Variants in DCC observed in about 807,000 individuals in gnomAD.
DCC encodes DCC netrin 1 receptor.
In DCC, 58 loss-of-function variants were observed where a neutral mutation model predicts 172.5. The observed-to-expected ratio is 0.34, with a 90% CI of 0.27 to 0.42. DCC has a LOEUF of 0.42. DCC is among the 10% of genes least tolerant of loss of function. The probability of loss-of-function intolerance (pLI) is 1.00; values close to 1 mark genes in which losing one functional copy is unlikely to be tolerated. For synonymous variants in DCC, 709 were observed against 644.5 expected, an observed-to-expected ratio of 1.10 and a Z score of -1.52; for missense variants, 1,740 against 1,791.0, an observed-to-expected ratio of 0.97 and a Z score of 0.51.
intron 2 of DCC, among the ~76,000 whole-genome samples, chr18:52,898,317 G>A (rs932355292): frequency 2.0e-5 from 3 of 152,126 alleles, no homozygotes; most frequent in Admixed American, 6.5e-5. Flanking sequence ...AGGGCAAATC[G>A]GAAGAATGTG....
At chr18:52,879,822 T>A (rs117666270) in intron 2 of DCC, among the ~76,000 whole-genome samples, 2,299 of 152,268 alleles carry the variant, frequency 0.015, 42 homozygotes, top group African/African-American at 0.038. Context: ...TCCCAATTAC[T>A]CTTTGTTTTA....
rs181740383 is a variant in DCC at position 52,356,721 on chromosome 18, G to A, written c.91+15843G>A. Among the ~76,000 whole-genome samples the A allele has an allele frequency of 7.5e-4, 114 of 152,238 alleles. 1 individual carries two copies. Among genetic ancestry groups the A allele is most frequent in the African/African-American group, 2.6e-3 (106 of 41,524 alleles). ...ACATGTGTTATTAGTGAGGTTATGA[G>A]AGTAGGGGCCAGCTATTTATTTAAG... On this transcript the variant is annotated intron_variant, in intron 1 of 28. Transcript: ENST00000442544.
At chr18:53,402,074 C>T (rs1339423314) in intron 18 of DCC, among the ~76,000 whole-genome samples, 1 of 152,066 alleles carries the variant, frequency 6.6e-6, no homozygotes, top group Non-Finnish European at 1.5e-5. Context: ...GATATTTTGA[C>T]CCCAGTTTTA....
At chr18:52,548,447 G>A (rs2032674960) in intron 1 of DCC, among the ~76,000 whole-genome samples, 1 of 152,104 alleles carries the variant, frequency 6.6e-6, no homozygotes, top group Non-Finnish European at 1.5e-5. Context: ...GGGCAAACCA[G>A]TGTGCTTGGT....
At chr18:53,486,401 C>G (rs1464693038) in intron 25 of DCC, among the ~76,000 whole-genome samples, 2 of 152,116 alleles carry the variant, frequency 1.3e-5, no homozygotes, top group Non-Finnish European at 2.9e-5. Flanking sequence ...ATTTTTTCAA[C>G]CCACTCTACA....
intron 12 of DCC, among the ~76,000 whole-genome samples, chr18:53,246,873 C>T (rs1443154681): frequency 6.6e-6 from 1 of 151,988 alleles, no homozygotes; most frequent in Admixed American, 6.6e-5. Flanking sequence ...GTTGGGAATT[C>T]ATGGAAATAA....
Position 52,831,169 on chromosome 18 carries a change from C to G in DCC, c.413-74875C>G, listed in dbSNP as rs1272786605. Among the ~76,000 whole-genome samples, 5 of 152,018 alleles carry G rather than the reference C, an allele frequency of 3.3e-5. 1 individual carries two copies. The highest frequency in any genetic ancestry group is 3.3e-4 in the Admixed American group (5 of 15,264). The stretch of plus-strand genomic sequence containing the variant: ...CAAGCAACCAACAGTGCAAAACCTC[C>G]AAGGCATAAACATGACGGTCATTTT... On this transcript the variant is annotated intron_variant, in intron 2 of 28. Coordinates refer to ENST00000442544, the MANE Select transcript of DCC (RefSeq NM_005215.4).
At chr18:52,443,607 G>A (rs11872981) in intron 1 of DCC, among the ~76,000 whole-genome samples, 126 of 152,306 alleles carry the variant, frequency 8.3e-4, no homozygotes, top group Admixed American at 1.4e-3. Context: ...GAAAGGAGCT[G>A]AGGAAAAATC....
intron 2 of DCC, among the ~76,000 whole-genome samples, chr18:52,813,606 G>GTAC (rs35545127): frequency 0.036 from 5,510 of 152,292 alleles, 143 homozygotes; most frequent in Admixed American, 0.052. Flanking sequence ...AGTTTGACTG[G>GTAC]TACACAGTGT....
intron 7 of DCC, among the ~76,000 whole-genome samples, chr18:53,129,845 G>C (rs751196410): frequency 6.6e-6 from 1 of 151,664 alleles, no homozygotes; most frequent in Non-Finnish European, 1.5e-5. Flanking sequence ...ATTTCTTTTG[G>C]GTAAAAATGT....
intron 22 of DCC, among the ~76,000 whole-genome samples, chr18:53,438,170 C>T (rs914711291): frequency 6.6e-6 from 1 of 152,118 alleles, no homozygotes; most frequent in African/African-American, 2.4e-5. Context: ...AATTCATTCC[C>T]AGTCAAGGGA....
intron 5 of DCC, among the ~76,000 whole-genome samples, chr18:52,947,316 A>C (rs2040563535): frequency 6.6e-6 from 1 of 152,170 alleles, no homozygotes; most frequent in South Asian, 2.1e-4. Flanking sequence ...TTTCTTATAC[A>C]ATGCAAACTG....
chr18:53,068,023 C>G (rs1356762485), intron 7 of DCC, among the ~76,000 whole-genome samples: 1 of 152,100 alleles, frequency 6.6e-6, no homozygotes, highest in Non-Finnish European at 1.5e-5. Flanking sequence ...AACAACAATA[C>G]CAGATGAGTC....
At chr18:53,003,056 G>A (rs1312997603) in intron 5 of DCC, among the ~76,000 whole-genome samples, 1 of 152,100 alleles carries the variant, frequency 6.6e-6, no homozygotes, top group Non-Finnish European at 1.5e-5. Context: ...GCTTTAGGGG[G>A]AAAAGTTGGT....
intron 5 of DCC, among the ~76,000 whole-genome samples, chr18:52,966,997 C>T (rs2040942810): frequency 6.6e-6 from 1 of 152,132 alleles, no homozygotes; most frequent in Admixed American, 6.5e-5. Context: ...TATTCTACTC[C>T]TCCCTCTGGT....
intron 1 of DCC, among the ~76,000 whole-genome samples, chr18:52,741,911 T>C (rs543148918): frequency 2.0e-4 from 31 of 152,138 alleles, no homozygotes; most frequent in Middle Eastern, 3.2e-3. Context: ...TCCAATGTTA[T>C]AGTATTAAGA....
chr18:53,222,827 C>T (rs1317827703), intron 12 of DCC, among the ~76,000 whole-genome samples: 11 of 152,112 alleles, frequency 7.2e-5, no homozygotes, highest in Admixed American at 7.2e-4. Flanking sequence ...TCTACAAAAA[C>T]ATTTTAGATG....
chr18:52,425,430 T>C (rs1174763909), intron 1 of DCC, among the ~76,000 whole-genome samples: 1 of 152,162 alleles, frequency 6.6e-6, no homozygotes, highest in Non-Finnish European at 1.5e-5. Context: ...AGAGTTTCAG[T>C]TGGTGTCTGA....
At chr18:52,856,433 G>A (rs889360126) in intron 2 of DCC, among the ~76,000 whole-genome samples, 1 of 151,554 alleles carries the variant, frequency 6.6e-6, no homozygotes, top group Non-Finnish European at 1.5e-5. Flanking sequence ...AGACCATCCT[G>A]GCTAACACGG....
Sources: allele counts gnomAD v4.1 joint callset (sites outside exome capture counted in the v4.1 genomes callset), GRCh38; gene constraint gnomAD v4.1.1; transcripts MANE v1.5; gene names NCBI Gene and HGNC (gene_info 2026-07-23, HGNC 2026-07-21).